COBL: variants seen among roughly 807,000 people sequenced by gnomAD.
COBL encodes the protein protein cordon-bleu.
A neutral mutation model predicts 98.8 loss-of-function variants in COBL; 51 were observed. The observed-to-expected ratio is 0.52, with a 90% CI of 0.41 to 0.65. The LOEUF (loss-of-function observed/expected upper bound fraction) is 0.65. Among genes scored for constraint, COBL ranks in the 30% least tolerant of loss-of-function variants. The probability of loss-of-function intolerance (pLI) is 0.00; values close to 1 mark genes in which losing one functional copy is unlikely to be tolerated. For missense variants in COBL, 1,617 were observed against 1,617.5 expected (o/e 1.00, Z 0.01); for synonymous variants, 634 against 651.7 (o/e 0.97, Z 0.41).
At position 51,219,919 on chromosome 7, in the gene COBL, G is replaced by T; in HGVS notation, c.67C>A (p.Pro23Thr). The change falls in exon 2 of 13, where the codon CCA becomes ACA. Residue 23 changes from proline (P) to threonine (T), a missense_variant. Physicochemically the swap from Pro to Thr is conservative, Grantham distance 38 (BLOSUM62 -1). Around this residue, in one of 3 missense-constraint regions of COBL, gnomAD observed 238 missense variants for 215.0 expected, o/e 1.11. Transcript: ENST00000265136. ...AGAGTGGCAGCCTTTCCAGGAGGTG[G>T]GGGAGCACGAGCCTTCATCTTCCTC... ...TGRKMKARAP[P>T]PPGKAATLHV... 1 of 1,611,404 alleles carries T rather than the reference G, an allele frequency of 6.2e-7. No homozygotes were observed.
chr7:51,095,753 A>G (rs1013589211), intron 6 of COBL, among the ~76,000 whole-genome samples: 7 of 152,188 alleles, frequency 4.6e-5, no homozygotes, highest in African/African-American at 1.4e-4. Flanking sequence ...ATTACATCAA[A>G]TAAGATAGAC....
intron 8 of COBL, chr7:51,034,818 TAG>T (rs1262499914): frequency 6.6e-6 from 1 of 152,248 alleles, no homozygotes; most frequent in East Asian, 1.9e-4. Context: ...CCTCAATCTT[TAG>T]AAACGTTCCT....
At chr7:51,262,146 C>G (rs1445818948) in intron 1 of COBL, among the ~76,000 whole-genome samples, 1 of 152,152 alleles carries the variant, frequency 6.6e-6, no homozygotes, top group Non-Finnish European at 1.5e-5. Context: ...CACAGCAGCC[C>G]TGGCTGGCTC....
At chr7:51,159,353 G>C (rs1330494476) in intron 5 of COBL, among the ~76,000 whole-genome samples, 1 of 152,186 alleles carries the variant, frequency 6.6e-6, no homozygotes, top group African/African-American at 2.4e-5. Flanking sequence ...GGTGGAGTGG[G>C]AGAGCAAAGG....
At chr7:51,239,636 C>T (rs530814160) in intron 1 of COBL, among the ~76,000 whole-genome samples, 3 of 152,314 alleles carry the variant, frequency 2.0e-5, no homozygotes, top group East Asian at 3.9e-4. Context: ...AGATTTGCCT[C>T]CAATTCTTTC....
chr7:51,244,434 G>A (rs1442954888), intron 1 of COBL, among the ~76,000 whole-genome samples: 8 of 152,198 alleles, frequency 5.3e-5, no homozygotes, highest in Non-Finnish European at 8.8e-5. Flanking sequence ...CCAGGCTGCT[G>A]TAATAGCCAC....
At chr7:51,229,262 T>C (rs1449355386) in intron 1 of COBL, among the ~76,000 whole-genome samples, 2 of 152,316 alleles carry the variant, frequency 1.3e-5, no homozygotes, top group African/African-American at 4.8e-5. Context: ...ATGCAGCTTT[T>C]CCCCGAGCAA....
chr7:51,144,289 T>C (rs932017652), intron 5 of COBL, among the ~76,000 whole-genome samples: 4 of 152,206 alleles, frequency 2.6e-5, no homozygotes, highest in African/African-American at 9.6e-5. Context: ...GGTAATTACA[T>C]GGTCCTCATT....
chr7:51,259,035 C>T (rs544773603), intron 1 of COBL, among the ~76,000 whole-genome samples: 1 of 152,228 alleles, frequency 6.6e-6, no homozygotes, highest in South Asian at 2.1e-4. Flanking sequence ...TGCCTGTAAT[C>T]CCAGCACTTT....
At chr7:51,155,374 G>A (rs1017846392) in intron 5 of COBL, among the ~76,000 whole-genome samples, 1 of 152,016 alleles carries the variant, frequency 6.6e-6, no homozygotes, top group Non-Finnish European at 1.5e-5. Flanking sequence ...TGAATCACGA[G>A]GTCAGGGATT....
chr7:51,030,686 G>A, intron 9 of COBL, 126 bp downstream of exon 9: 1 of 671,180 alleles, frequency 1.5e-6, no homozygotes, highest in South Asian at 2.0e-5. Flanking sequence ...TCACCAAACT[G>A]ACCTGGAATT....
chr7:51,148,914 A>T (rs960936333), intron 5 of COBL, among the ~76,000 whole-genome samples: 1 of 152,048 alleles, frequency 6.6e-6, no homozygotes, highest in Non-Finnish European at 1.5e-5. Flanking sequence ...ATACACATAT[A>T]TAACTTCACC....
At chr7:51,296,359 T>A (rs1044575907) in intron 1 of COBL, among the ~76,000 whole-genome samples, 1 of 152,250 alleles carries the variant, frequency 6.6e-6, no homozygotes, top group Non-Finnish European at 1.5e-5. Flanking sequence ...GAGACAATCA[T>A]ACACATATTA....
At chr7:51,061,680 C>T (rs1035882345) in intron 7 of COBL, among the ~76,000 whole-genome samples, 1 of 151,994 alleles carries the variant, frequency 6.6e-6, no homozygotes, top group Non-Finnish European at 1.5e-5. Context: ...GTGCCCTTAC[C>T]GCTGTGGGCA....
At chr7:51,105,584 A>G (rs1375751769) in intron 6 of COBL, among the ~76,000 whole-genome samples, 1 of 152,022 alleles carries the variant, frequency 6.6e-6, no homozygotes, top group Non-Finnish European at 1.5e-5. Flanking sequence ...CCCCATCTCT[A>G]CTAAAAATAC....
intron 1 of COBL, among the ~76,000 whole-genome samples, chr7:51,220,183 G>A (rs933228471): frequency 6.6e-6 from 1 of 152,188 alleles, no homozygotes; most frequent in Non-Finnish European, 1.5e-5. Flanking sequence ...TTGCTGTCAG[G>A]GAGGTACACA....
chr7:51,303,170 C>T (rs1282658828), intron 1 of COBL, among the ~76,000 whole-genome samples: 1 of 152,182 alleles, frequency 6.6e-6, no homozygotes, highest in Non-Finnish European at 1.5e-5. Context: ...CTTTTACATT[C>T]GGATGCAGAG....
intron 5 of COBL, among the ~76,000 whole-genome samples, chr7:51,146,689 G>A (rs924802832): frequency 1.3e-5 from 2 of 152,010 alleles, no homozygotes; most frequent in Non-Finnish European, 2.9e-5. Context: ...CAGATTTCTA[G>A]GAAGCTGGGA....
chr7:51,267,218 T>C (rs899571020), intron 1 of COBL, among the ~76,000 whole-genome samples: 11 of 152,188 alleles, frequency 7.2e-5, no homozygotes, highest in African/African-American at 2.7e-4. Context: ...TTTTTAACAA[T>C]GCCAAACCTG....
Sources: allele counts gnomAD v4.1 joint callset (sites outside exome capture counted in the v4.1 genomes callset), GRCh38; gene constraint gnomAD v4.1.1; regional missense constraint gnomAD v4.1.1; transcripts MANE v1.5; gene names NCBI Gene and HGNC (gene_info 2026-07-23, HGNC 2026-07-21).